Variants in RMST observed in about 807,000 individuals in gnomAD.
The protein encoded by RMST is long intergenic non-protein coding RNA 54.
chr12:97,521,589 A>T (rs1172258467), intron 10 of RMST, among the ~76,000 whole-genome samples: 1 of 152,156 alleles, frequency 6.6e-6, no homozygotes, highest in Non-Finnish European at 1.5e-5. Flanking sequence ...CATTCAGATA[A>T]CTTTCTTTCA....
intron 10 of RMST, among the ~76,000 whole-genome samples, chr12:97,498,461 AG>A (rs1171285968): frequency 6.6e-6 from 1 of 152,224 alleles, no homozygotes; most frequent in Non-Finnish European, 1.5e-5. Context: ...AAGATTAAAC[AG>A]GATAATGAGT....
intron 5 of RMST, among the ~76,000 whole-genome samples, chr12:97,471,128 TA>T (rs1433232995): frequency 6.6e-6 from 1 of 152,080 alleles, no homozygotes; most frequent in Non-Finnish European, 1.5e-5. Context: ...GGTGGATATT[TA>T]AAAAAATCAA....
At chr12:97,564,735 C>T (rs1414484625) in exon 14 of RMST, 3 of 152,192 alleles carry the variant, frequency 2.0e-5, no homozygotes, top group Non-Finnish European at 4.4e-5. Context: ...CTCCTTCCTT[C>T]AGATGTTAGT....
chr12:97,550,690 C>G (rs181397464), intron 11 of RMST, among the ~76,000 whole-genome samples: 1 of 152,158 alleles, frequency 6.6e-6, no homozygotes, highest in African/African-American at 2.4e-5. Flanking sequence ...ATTCTTAGTG[C>G]AATTGGAACT....
intron 5 of RMST, among the ~76,000 whole-genome samples, chr12:97,480,931 C>T (rs918912891): frequency 1.3e-5 from 2 of 152,126 alleles, no homozygotes; most frequent in African/African-American, 2.4e-5. Context: ...ATCAATACCC[C>T]GTACATAATC....
chr12:97,507,105 T>A (rs1878769704), intron 10 of RMST, among the ~76,000 whole-genome samples: 2 of 151,286 alleles, frequency 1.3e-5, no homozygotes, highest in South Asian at 4.2e-4. Context: ...AAACAAGGAG[T>A]TAGAAAGATG....
intron 10 of RMST, among the ~76,000 whole-genome samples, chr12:97,506,246 C>T (rs1878649352): frequency 6.6e-6 from 1 of 152,140 alleles, no homozygotes; most frequent in Non-Finnish European, 1.5e-5. Flanking sequence ...CTTTATAGAA[C>T]AGCTCAAAAC....
intron 11 of RMST, among the ~76,000 whole-genome samples, chr12:97,542,917 G>A (rs1319900369): frequency 6.6e-6 from 1 of 151,948 alleles, no homozygotes; most frequent in African/African-American, 2.4e-5. Flanking sequence ...GACTGTGGCT[G>A]AGAAGTTAAT....
intron 11 of RMST, among the ~76,000 whole-genome samples, chr12:97,554,635 A>C (rs1180526622): frequency 2.6e-5 from 4 of 152,198 alleles, no homozygotes; most frequent in Non-Finnish European, 5.9e-5. Context: ...GGTGAGATAG[A>C]AATAAAAAGT....
chr12:97,535,648 T>C (rs201524537), intron 11 of RMST, among the ~76,000 whole-genome samples: 2 of 151,736 alleles, frequency 1.3e-5, no homozygotes, highest in East Asian at 3.9e-4. Context: ...AAGCTGTCTT[T>C]GGGATAATCA....
chr12:97,488,506 A>T (rs1374850485), intron 5 of RMST, among the ~76,000 whole-genome samples: 1 of 152,196 alleles, frequency 6.6e-6, no homozygotes, highest in Non-Finnish European at 1.5e-5. Context: ...GCCAAAGAAT[A>T]TCTGGTCTCT....
intron 4 of RMST, chr12:97,465,049 C>G (rs1485546106): frequency 6.6e-6 from 1 of 152,138 alleles, no homozygotes; most frequent in Non-Finnish European, 1.5e-5. Context: ...TGATGCAGCT[C>G]TAGGTGGATT....
rs188058132 is a variant in RMST at position 97,553,424 on chromosome 12, C to T, written n.1546-7113C>T. ...CCAGAATTTGTGTGGTGCTGTTGAG[C>T]TGTGCAACCTGATTAAGCAGCCTGC... On this transcript the variant is annotated intron_variant and non_coding_transcript_variant, in intron 11 of 13. Coordinates refer to ENST00000640149, the Ensembl canonical transcript of RMST. Among the ~76,000 whole-genome samples the T allele has an allele frequency of 3.5e-3, 536 of 152,232 alleles. 2 individuals carry two copies. The highest frequency in any genetic ancestry group is 0.018 in the South Asian group (88 of 4,818).
intron 10 of RMST, among the ~76,000 whole-genome samples, chr12:97,509,265 GATCT>G (rs1429825980): frequency 6.6e-6 from 1 of 152,146 alleles, no homozygotes; most frequent in African/African-American, 2.4e-5. Context: ...GAGTTCCTCT[GATCT>G]GTTGATGTCT....
intron 5 of RMST, among the ~76,000 whole-genome samples, chr12:97,481,600 C>T (rs952943973): frequency 2.6e-5 from 4 of 152,056 alleles, no homozygotes; most frequent in Admixed American, 2.6e-4. Flanking sequence ...GCTATTTTCT[C>T]AGGAAGAAGA....
At chr12:97,512,010 T>C (rs1307615935) in intron 10 of RMST, among the ~76,000 whole-genome samples, 1 of 152,194 alleles carries the variant, frequency 6.6e-6, no homozygotes, top group Non-Finnish European at 1.5e-5. Context: ...CAGTGAGTGT[T>C]ACAGTTCTTA....
In RMST at chr12:97,512,931, G is replaced by C. The variant is rs555025659; in HGVS notation, n.1340+16875G>C. Among the ~76,000 whole-genome samples, 425 of 152,352 alleles carry C rather than the reference G, an allele frequency of 2.8e-3. 2 individuals are homozygous for C. The highest frequency in any genetic ancestry group is 9.7e-3 in the African/African-American group (402 of 41,592). ...GGCTGCAGGTCGGGAGCCCTGCCCA[G>C]CGGGAAGGCAGCTAAGGCCAGGTGA... On this transcript the variant is annotated intron_variant and non_coding_transcript_variant, in intron 10 of 13. Coordinates refer to ENST00000640149, the Ensembl canonical transcript of RMST.
chr12:97,499,820 T>G (rs965099991), intron 10 of RMST, among the ~76,000 whole-genome samples: 1 of 151,956 alleles, frequency 6.6e-6, no homozygotes, highest in Admixed American at 6.6e-5. Flanking sequence ...CCACCACTCC[T>G]GGATAATTTT....
At chr12:97,540,754 A>C (rs1244709089) in intron 11 of RMST, among the ~76,000 whole-genome samples, 2 of 151,688 alleles carry the variant, frequency 1.3e-5, no homozygotes, top group African/African-American at 4.8e-5. Context: ...CGTCAAGTTT[A>C]TACTCAGTAA....
Sources: allele counts gnomAD v4.1 joint callset (sites outside exome capture counted in the v4.1 genomes callset), GRCh38; gene constraint gnomAD v4.1.1; transcripts MANE v1.5; gene names NCBI Gene and HGNC (gene_info 2026-07-23, HGNC 2026-07-21).